The following CDK19 variants were observed in gnomAD, a reference collection of about 807,000 sequenced individuals.
The protein encoded by CDK19 is cyclin-dependent kinase 19.
A neutral mutation model predicts 68.3 loss-of-function variants in CDK19; 20 were observed. The observed-to-expected ratio is 0.29, with a 90% CI of 0.21 to 0.43. The LOEUF is 0.43. Among genes scored for constraint, CDK19 ranks in the 20% least tolerant of loss-of-function variants. The pLI is 1.00. For synonymous variants in CDK19, 221 were observed against 222.8 expected (o/e 0.99, Z 0.07); for missense variants, 339 against 623.5 (o/e 0.54, Z 4.86).
In CDK19 at chr6:110,621,495, G is replaced by T; in HGVS notation, c.1111-125C>A. The T allele has an allele frequency of 1.1e-6, 1 of 918,226 alleles. No individual in the cohort carries two copies. Among genetic ancestry groups the T allele is most frequent in the Non-Finnish European group, 1.6e-6 (1 of 608,356 alleles). 56.9% of individuals were successfully genotyped at this position (918,226 alleles called of 1,614,324 possible). A position where few individuals can be genotyped will look rare whatever the true frequency, so the allele number is the denominator to read the frequency against. Reference sequence around the variant, plus strand: ...AGCAATCTATGTGGGACACTAGAGTGATGGGGAGGACTGGAGAATGGAGCA... The same window carrying T: ...AGCAATCTATGTGGGACACTAGAGTTATGGGGAGGACTGGAGAATGGAGCA... On this transcript the variant is annotated intron_variant, in intron 11 of 12. Transcript: ENST00000368911. The surrounding 1 kb of genome is among the most constrained non-coding windows in gnomAD (Gnocchi z 5.4).
At chr6:110,777,412 A>G (rs1458692158) in intron 1 of CDK19, among the ~76,000 whole-genome samples, 1 of 152,206 alleles carries the variant, frequency 6.6e-6, no homozygotes, top group African/African-American at 2.4e-5. Flanking sequence ...ATCTCAATAC[A>G]ATAAGATACG....
intron 1 of CDK19, among the ~76,000 whole-genome samples, chr6:110,770,358 G>A (rs1208338718): frequency 6.6e-6 from 1 of 152,168 alleles, no homozygotes; most frequent in Non-Finnish European, 1.5e-5. Context: ...ATAGCAGGAG[G>A]CGAAAGGCAC....
chr6:110,748,732 A>G (rs1170239261), intron 1 of CDK19, among the ~76,000 whole-genome samples: 7 of 152,214 alleles, frequency 4.6e-5, no homozygotes, highest in Non-Finnish European at 7.3e-5. Context: ...AAATATTTCA[A>G]TGATTAGGCA....
In CDK19 at chr6:110,647,020, G is replaced by A. The variant is rs182920637; in HGVS notation, c.457-8314C>T. On this transcript the variant is annotated intron_variant, in intron 4 of 12. Coordinates refer to ENST00000368911, the MANE Select transcript of CDK19 (RefSeq NM_015076.5). The stretch of plus-strand genomic sequence containing the variant: ...AGGAGGGTCTCCACCTATGCCCCAG[G>A]CCTTCGCGATCTTGCTTCACCCACC... Among the ~76,000 whole-genome samples the A allele has an allele frequency of 2.2e-3, 340 of 151,692 alleles. 1 individual carries two copies. Among genetic ancestry groups the A allele is most frequent in the African/African-American group, 8.0e-3 (331 of 41,342 alleles).
chr6:110,615,831 A>G (rs1582673090), intron 12 of CDK19, among the ~76,000 whole-genome samples: 1 of 152,194 alleles, frequency 6.6e-6, no homozygotes, highest in Admixed American at 6.5e-5. Context: ...CTACTCCCCA[A>G]TTACTCCTGT....
intron 6 of CDK19, among the ~76,000 whole-genome samples, chr6:110,631,817 T>G (rs1033112919): frequency 6.6e-6 from 1 of 152,256 alleles, no homozygotes; most frequent in Non-Finnish European, 1.5e-5. Flanking sequence ...GATACCTCTA[T>G]TCTCTGAAAG....
chr6:110,787,316 G>C (rs1368461252), intron 1 of CDK19, among the ~76,000 whole-genome samples: 1 of 152,330 alleles, frequency 6.6e-6, no homozygotes, highest in South Asian at 2.1e-4. Flanking sequence ...AGAGTTTGCA[G>C]TGAGTGGAGA....
chr6:110,622,696 C>A (rs1778793165), intron 10 of CDK19, 119 bp downstream of exon 10: 1 of 694,474 alleles, frequency 1.4e-6, no homozygotes, highest in African/African-American at 1.8e-5. Context: ...CTTGAGCAGT[C>A]TTTAGGTGGT....
rs182911444 is a variant in CDK19, at chr6:110,676,146, T to C, written c.205-5605A>G. ...TTGATTCCAACCCTCATGGATAATT[T>C]TGAGGAGTTCAAGGTATCAGTGGAG... On this transcript the variant is annotated intron_variant, in intron 2 of 12. Coordinates refer to ENST00000368911, the MANE Select transcript of CDK19 (RefSeq NM_015076.5). 5.6e-4 allele frequency among the ~76,000 whole-genome samples: 86 copies of C among 152,270 alleles called. 1 individual carries two copies. Among genetic ancestry groups the C allele is most frequent in the African/African-American group, 1.9e-3 (80 of 41,566 alleles).
At chr6:110,757,593 A>G (rs1778921140) in intron 1 of CDK19, among the ~76,000 whole-genome samples, 1 of 152,204 alleles carries the variant, frequency 6.6e-6, no homozygotes, top group African/African-American at 2.4e-5. Context: ...ACTGTCAAAT[A>G]TAGGATAATG....
chr6:110,615,734 A>G (rs574905997), intron 12 of CDK19, among the ~76,000 whole-genome samples: 5 of 152,202 alleles, frequency 3.3e-5, no homozygotes, highest in Non-Finnish European at 5.9e-5. Flanking sequence ...AAAGGCCACA[A>G]GTTTAGGATT....
intron 2 of CDK19, among the ~76,000 whole-genome samples, chr6:110,713,450 A>G (rs1395956910): frequency 7.2e-6 from 1 of 139,348 alleles, no homozygotes; most frequent in South Asian, 2.3e-4. Context: ...AAAAAAAAAA[A>G]TCCTGGGCTC....
At chr6:110,790,851 C>T (rs1034829630) in intron 1 of CDK19, among the ~76,000 whole-genome samples, 5 of 152,070 alleles carry the variant, frequency 3.3e-5, no homozygotes, top group Admixed American at 2.6e-4. Context: ...AATAAAGGTA[C>T]ATGTATACAG....
intron 2 of CDK19, among the ~76,000 whole-genome samples, chr6:110,686,171 G>A (rs112806162): frequency 1.3e-5 from 2 of 152,148 alleles, no homozygotes; most frequent in African/African-American, 4.8e-5. Flanking sequence ...CAGCCTAAAA[G>A]GAACTGAAGA....
intron 4 of CDK19, among the ~76,000 whole-genome samples, chr6:110,662,889 A>G (rs1781703306): frequency 6.6e-6 from 1 of 152,132 alleles, no homozygotes; most frequent in Non-Finnish European, 1.5e-5. Flanking sequence ...TTTTAAAGCA[A>G]TTCTTCATTT....
At chr6:110,667,825 C>A (rs1184745611) in intron 3 of CDK19, among the ~76,000 whole-genome samples, 1 of 151,636 alleles carries the variant, frequency 6.6e-6, no homozygotes, top group East Asian at 1.9e-4. Context: ...TAAATAGGAC[C>A]AAAAGGTAAA....
chr6:110,621,426 T>C lies in CDK19; in HGVS notation c.1111-56A>G. The C allele has an allele frequency of 2.0e-6, 3 of 1,508,920 alleles. No homozygotes were observed. The highest frequency in any genetic ancestry group is 2.7e-6 in the Non-Finnish European group (3 of 1,128,514). 93.5% of individuals were successfully genotyped at this position (1,508,920 alleles called of 1,614,324 possible). A position where few individuals can be genotyped will look rare whatever the true frequency, so the allele number is the denominator to read the frequency against. ...GAAACCAAATTAACAGGAGCTTTCT[T>C]TAATTATTTGATATGCACATGTGGC... On this transcript the variant is annotated intron_variant, in intron 11 of 12. Transcript: ENST00000368911. The surrounding 1 kb of genome is among the most constrained non-coding windows in gnomAD (Gnocchi z 5.4).
At chr6:110,737,751 A>C (rs1238785641) in intron 2 of CDK19, among the ~76,000 whole-genome samples, 2 of 152,220 alleles carry the variant, frequency 1.3e-5, no homozygotes, top group Non-Finnish European at 2.9e-5. Flanking sequence ...AGTTGGCAGA[A>C]AGTCTTTATT....
intron 1 of CDK19, among the ~76,000 whole-genome samples, chr6:110,776,486 G>A (rs1234379827): frequency 1.3e-5 from 2 of 151,672 alleles, no homozygotes; most frequent in African/African-American, 4.8e-5. Context: ...ATAATCTGGG[G>A]AGCTGTGTAA....
Sources: gnomAD v4.1 joint callset for allele counts (sites outside exome capture counted in the v4.1 genomes callset) on GRCh38, gnomAD v4.1.1 for gene constraint, Gnocchi (gnomAD v3.1) non-coding constraint, MANE v1.5 for transcripts, NCBI Gene and HGNC (gene_info 2026-07-23, HGNC 2026-07-21) for gene names.